OCA2: variants seen among roughly 807,000 people sequenced by gnomAD.
OCA2 encodes the protein OCA2 melanosomal transmembrane protein, also known as P protein.
OCA2 carries 77 observed loss-of-function variants against 100.2 expected under a neutral mutation model. The observed-to-expected ratio is 0.77, with a 90% CI of 0.64 to 0.93. The LOEUF (loss-of-function observed/expected upper bound fraction) is 0.93, where lower values mean the gene tolerates loss of function less well. OCA2 is among the 40% of genes least tolerant of loss of function. The probability of loss-of-function intolerance (pLI) is 0.00; values close to 1 mark genes in which losing one functional copy is unlikely to be tolerated. For missense variants in OCA2, 1,062 were observed against 1,089.1 expected (o/e 0.98, Z 0.35); for synonymous variants, 432 against 439.2 (o/e 0.98, Z 0.21).
chr15:27,897,507 G>A (rs553288036), intron 19 of OCA2, among the ~76,000 whole-genome samples: 49 of 152,334 alleles, frequency 3.2e-4, no homozygotes, highest in African/African-American at 9.9e-4. Context: ...CAGCTTTCAC[G>A]TGCTGTTGAG....
chr15:27,866,153 A>C (rs2036314784), intron 21 of OCA2, among the ~76,000 whole-genome samples: 1 of 152,126 alleles, frequency 6.6e-6, no homozygotes, highest in Non-Finnish European at 1.5e-5. Flanking sequence ...AGATCCAGAG[A>C]AAGGACCAGC....
chr15:27,845,933 C>G (rs1274893493), intron 22 of OCA2, among the ~76,000 whole-genome samples: 1 of 152,174 alleles, frequency 6.6e-6, no homozygotes, highest in Non-Finnish European at 1.5e-5. Context: ...ACATGAATAA[C>G]AGAGCAGGTG....
chr15:27,943,874 C>T (rs980305286), intron 18 of OCA2, among the ~76,000 whole-genome samples: 1 of 152,076 alleles, frequency 6.6e-6, no homozygotes, highest in Non-Finnish European at 1.5e-5. Context: ...AACCAATACA[C>T]AACTTACATG....
intron 21 of OCA2, among the ~76,000 whole-genome samples, chr15:27,864,989 G>C (rs574026522): frequency 1.3e-5 from 2 of 151,606 alleles, no homozygotes; most frequent in Admixed American, 6.6e-5. Context: ...TCCCTGTATG[G>C]AAATATTGGT....
intron 19 of OCA2, among the ~76,000 whole-genome samples, 193 bp downstream of exon 19, chr15:27,925,934 G>A (rs2039026052): frequency 6.6e-6 from 1 of 152,116 alleles, no homozygotes; most frequent in Non-Finnish European, 1.5e-5. Context: ...CAAATACGCA[G>A]TGCTGTCAGA....
At chr15:27,913,838 G>GGAAAGAAAGAAAA (rs2038505029) in intron 19 of OCA2, among the ~76,000 whole-genome samples, 6 of 37,034 alleles carry the variant, frequency 1.6e-4, no homozygotes, top group East Asian at 2.9e-3. Flanking sequence ...AAGAAAGAAA[G>GGAAAGAAAGAAAA]GAAAGAAAGA....
chr15:27,866,442 T>C (rs1567037699), intron 21 of OCA2, among the ~76,000 whole-genome samples: 1 of 152,004 alleles, frequency 6.6e-6, no homozygotes, highest in Admixed American at 6.6e-5. Context: ...AGTAACAGAG[T>C]AGCAGAGGAT....
chr15:27,792,612 C>G (rs1362602577), intron 23 of OCA2, among the ~76,000 whole-genome samples: 1 of 152,202 alleles, frequency 6.6e-6, no homozygotes, highest in African/African-American at 2.4e-5. Context: ...GACGTGCACC[C>G]TCCACAGCCG....
At chr15:28,067,452 T>C (rs527453459) in intron 2 of OCA2, among the ~76,000 whole-genome samples, 3 of 152,222 alleles carry the variant, frequency 2.0e-5, no homozygotes, top group Non-Finnish European at 4.4e-5. Flanking sequence ...ATTTGGGACC[T>C]TTCTAACTTC....
chr15:27,870,630 C>G (rs112897262), intron 21 of OCA2, among the ~76,000 whole-genome samples: 2,341 of 148,506 alleles, frequency 0.016, 53 homozygotes, highest in African/African-American at 0.051. Flanking sequence ...AATGAAGATG[C>G]AAGTCTCTAT....
chr15:27,951,638 C>A (rs2040030797), intron 18 of OCA2, 146 bp downstream of exon 18: 1 of 709,516 alleles, frequency 1.4e-6, no homozygotes, highest in Non-Finnish European at 2.6e-6. Context: ...CTTCCCAGGG[C>A]AGGCTGCCCA....
intron 19 of OCA2, among the ~76,000 whole-genome samples, chr15:27,900,313 C>T (rs998011065): frequency 1.3e-5 from 2 of 152,094 alleles, no homozygotes; most frequent in Non-Finnish European, 2.9e-5. Flanking sequence ...CCCAGAGGAA[C>T]ACCCAGAACA....
chr15:27,949,145 G>A (rs572313947), intron 18 of OCA2, among the ~76,000 whole-genome samples: 1 of 152,298 alleles, frequency 6.6e-6, no homozygotes, highest in African/African-American at 2.4e-5. Flanking sequence ...CCTAAATGAA[G>A]GAATGTTATC....
intron 19 of OCA2, among the ~76,000 whole-genome samples, chr15:27,902,458 A>G (rs2037988685): frequency 6.6e-6 from 1 of 152,212 alleles, no homozygotes; most frequent in Non-Finnish European, 1.5e-5. Context: ...TTCCCAAATT[A>G]AAGTATAAAT....
At chr15:28,083,550 C>T (rs986533918) in intron 1 of OCA2, among the ~76,000 whole-genome samples, 52 of 152,144 alleles carry the variant, frequency 3.4e-4, no homozygotes, top group African/African-American at 1.2e-3. Flanking sequence ...AATGTACATA[C>T]CAGCTATAAA....
rs1298075599 is a variant in OCA2 at position 27,913,873 on chromosome 15, A to AAG, written c.2079+12252_2079+12253dup. Among the ~76,000 whole-genome samples, 78 of 56,896 alleles carry AAG rather than the reference A, an allele frequency of 1.4e-3. 1 individual carries two copies. The highest frequency in any genetic ancestry group is 0.015 in the Middle Eastern group (1 of 66). 37.3% of individuals were successfully genotyped at this position (56,896 alleles called of 152,430 possible). A position where few individuals can be genotyped will look rare whatever the true frequency, so the allele number is the denominator to read the frequency against. On this transcript the variant is annotated intron_variant, in intron 19 of 23. Coordinates refer to ENST00000354638, the MANE Select transcript of OCA2 (RefSeq NM_000275.3). ...AAAGAAAGAAAGAAAGAAAGAAAGA[A>AAG]AGAAAGAAAGAAAGAAAGAAAGCAA...
intron 19 of OCA2, among the ~76,000 whole-genome samples, chr15:27,919,263 C>A (rs1262247123): frequency 6.6e-6 from 1 of 152,106 alleles, no homozygotes; most frequent in East Asian, 1.9e-4. Context: ...GGCCATAATC[C>A]TTCATATTTA....
chr15:27,730,932 AATTCTAAAGCC>A, the OCA2 span, among the ~76,000 whole-genome samples: 1 of 151,862 alleles, frequency 6.6e-6, no homozygotes, highest in Non-Finnish European at 1.5e-5. Context: ...TGGATCAACT[AATTCTAAAGCC>A]TGTGTTTTCT....
intron 19 of OCA2, among the ~76,000 whole-genome samples, chr15:27,874,794 T>C (rs935769448): frequency 6.6e-6 from 1 of 152,056 alleles, no homozygotes; most frequent in Non-Finnish European, 1.5e-5. Flanking sequence ...AAAGGGGAAA[T>C]AGAATTTTAA....
Sources: allele counts gnomAD v4.1 joint callset (sites outside exome capture counted in the v4.1 genomes callset), GRCh38; gene constraint gnomAD v4.1.1; transcripts MANE v1.5; gene names NCBI Gene and HGNC (gene_info 2026-07-23, HGNC 2026-07-21).